ZNF804B: variants seen among roughly 807,000 people sequenced by gnomAD.
ZNF804B encodes the protein zinc finger protein 804B.
ZNF804B carries 80 observed loss-of-function variants against 101.4 expected under a neutral mutation model. The ratio of observed to expected loss-of-function variants is 0.79; its 90% CI spans 0.66 to 0.95. ZNF804B has a LOEUF of 0.95. Ranked by LOEUF, ZNF804B falls within the 40% of genes least tolerant of loss-of-function variation. The pLI, the probability that ZNF804B is intolerant of heterozygous loss-of-function variation, is 0.00. For synonymous variants in ZNF804B, 622 were observed against 558.8 expected (o/e 1.11, Z -1.59); for missense variants, 1,673 against 1,561.9 (o/e 1.07, Z -1.20).
At chr7:89,242,255 A>G (rs1386105355) in intron 2 of ZNF804B, among the ~76,000 whole-genome samples, 1 of 151,240 alleles carries the variant, frequency 6.6e-6, no homozygotes, top group African/African-American at 2.5e-5. Context: ...ACTGTTGGAA[A>G]GAAGTAAGCT....
At chr7:89,205,697 C>T (rs556304836) in intron 1 of ZNF804B, among the ~76,000 whole-genome samples, 59 of 152,264 alleles carry the variant, frequency 3.9e-4, no homozygotes, top group African/African-American at 1.3e-3. Flanking sequence ...TACATTCCCC[C>T]TCCTGGCTGT....
intron 1 of ZNF804B, among the ~76,000 whole-genome samples, chr7:88,871,296 C>T (rs1791819804): frequency 1.3e-5 from 2 of 151,944 alleles, no homozygotes; most frequent in South Asian, 2.1e-4. Context: ...GAACTGAAGA[C>T]TATGCAGGCA....
At chr7:89,323,746 T>G (rs1311005039) in intron 2 of ZNF804B, among the ~76,000 whole-genome samples, 1 of 152,136 alleles carries the variant, frequency 6.6e-6, no homozygotes, top group African/African-American at 2.4e-5. Context: ...CCTATTTGTT[T>G]TCCCATTATT....
chr7:89,138,013 G>T (rs1185986572), intron 1 of ZNF804B, among the ~76,000 whole-genome samples: 1 of 152,154 alleles, frequency 6.6e-6, no homozygotes, highest in African/African-American at 2.4e-5. Flanking sequence ...GCAAGCCCGA[G>T]CCTTGGCAGC....
At position 89,221,691 on chromosome 7, in the gene ZNF804B, T is replaced by TTTCTTTTCTA. The variant is rs1554380478; in HGVS notation, c.249+3400_249+3401insTTTCTATTCT. ...TGTTGATAAACAACCTTCCTCAATATTTCTATTCTATTCTATTCTATTCTA... is the reference window on the plus strand; with the variant it reads ...TGTTGATAAACAACCTTCCTCAATATTTCTTTTCTATTCTATTCTATTCTATTCTATTCTA... On this transcript the variant is annotated intron_variant, in intron 2 of 3. Transcript: ENST00000333190. Among the ~76,000 whole-genome samples the TTTCTTTTCTA allele has an allele frequency of 4.6e-4, 65 of 142,594 alleles. 1 individual carries two copies. The highest frequency in any genetic ancestry group is 1.5e-3 in the African/African-American group (59 of 38,360). The allele number at this position is 142,594 out of a possible 152,430, so 93.5% of individuals were successfully genotyped here.
chr7:88,949,158 C>T (rs562838166), intron 1 of ZNF804B, among the ~76,000 whole-genome samples: 11 of 151,772 alleles, frequency 7.2e-5, no homozygotes, highest in Admixed American at 3.9e-4. Context: ...ATGATCATGG[C>T]GTGTAAGTCA....
Position 89,113,973 on chromosome 7 carries a change from C to T in ZNF804B, c.109-104182C>T, listed in dbSNP as rs528872469. Among the ~76,000 whole-genome samples the T allele has an allele frequency of 8.6e-5, 13 of 151,670 alleles. No homozygotes were observed. The South Asian group carries it at 2.7e-3, about 32-fold the overall frequency. Reference sequence around the variant, plus strand: ...TTCCCAAAGTAATTAAAAGGAATTTCCTTCCAGGGATAGGTGCAAGAATTA... The same window carrying T: ...TTCCCAAAGTAATTAAAAGGAATTTTCTTCCAGGGATAGGTGCAAGAATTA... On this transcript the variant is annotated intron_variant, in intron 1 of 3. Coordinates refer to ENST00000333190, the MANE Select transcript of ZNF804B (RefSeq NM_181646.5).
chr7:89,090,297 C>T (rs1386477734), intron 1 of ZNF804B, among the ~76,000 whole-genome samples: 2 of 151,948 alleles, frequency 1.3e-5, no homozygotes, highest in African/African-American at 4.8e-5. Context: ...AGATGTTCAG[C>T]GAATTTTTGT....
intron 1 of ZNF804B, among the ~76,000 whole-genome samples, chr7:89,047,836 C>G (rs967253361): frequency 3.3e-5 from 5 of 151,712 alleles, no homozygotes; most frequent in African/African-American, 1.2e-4. Context: ...TCAGTGGTCT[C>G]TTAGGCAAAA....
intron 1 of ZNF804B, among the ~76,000 whole-genome samples, chr7:89,089,356 G>GA (rs915109397): frequency 4.0e-5 from 6 of 148,656 alleles, no homozygotes; most frequent in Non-Finnish European, 7.4e-5. Flanking sequence ...TATGTTTTCG[G>GA]AAAAATTTTT....
chr7:89,140,114 C>T (rs1790694085), intron 1 of ZNF804B, among the ~76,000 whole-genome samples: 1 of 151,906 alleles, frequency 6.6e-6, no homozygotes, highest in Admixed American at 6.6e-5. Context: ...AACAGGATGA[C>T]CAAATATGCT....
chr7:88,832,698 G>A (rs991350793), intron 1 of ZNF804B, among the ~76,000 whole-genome samples: 10 of 151,910 alleles, frequency 6.6e-5, no homozygotes, highest in Admixed American at 5.3e-4. Flanking sequence ...GGCCGAAGAT[G>A]TGTTTGGTTC....
intron 1 of ZNF804B, among the ~76,000 whole-genome samples, chr7:89,132,871 C>T (rs1459073396): frequency 1.3e-5 from 2 of 151,990 alleles, no homozygotes; most frequent in Admixed American, 6.6e-5. Flanking sequence ...AACCACAGTG[C>T]TGAGAGGGAA....
intron 2 of ZNF804B, among the ~76,000 whole-genome samples, chr7:89,316,432 T>C (rs1790726501): frequency 1.3e-5 from 2 of 152,010 alleles, no homozygotes; most frequent in Admixed American, 1.3e-4. Context: ...GATAATATCA[T>C]AATATCAAAT....
At chr7:88,829,792 A>G (rs963171205) in intron 1 of ZNF804B, among the ~76,000 whole-genome samples, 1 of 152,158 alleles carries the variant, frequency 6.6e-6, no homozygotes, top group Non-Finnish European at 1.5e-5. Context: ...TGAGATGAAA[A>G]TAAAGGAAGA....
intron 1 of ZNF804B, among the ~76,000 whole-genome samples, chr7:89,165,298 A>G (rs1791124998): frequency 6.6e-6 from 1 of 152,106 alleles, no homozygotes. Context: ...CATGAACTAT[A>G]CAGATGGTGA....
At chr7:89,094,539 C>A (rs1789941711) in intron 1 of ZNF804B, among the ~76,000 whole-genome samples, 1 of 152,062 alleles carries the variant, frequency 6.6e-6, no homozygotes, top group African/African-American at 2.4e-5. Flanking sequence ...TGGGTACACT[C>A]ACTTTTTTAA....
intron 2 of ZNF804B, among the ~76,000 whole-genome samples, chr7:89,259,129 G>A (rs561465088): frequency 3.3e-5 from 5 of 152,118 alleles, no homozygotes; most frequent in South Asian, 2.1e-4. Flanking sequence ...ATTGTCTAAC[G>A]TCAGTTTTGT....
In ZNF804B at chr7:89,333,531, C is replaced by A; in HGVS notation, c.549C>A (p.Ser183=). ...GAATCATATCCGATAAACAGCGGTC[C>A]ACCATGCCAAATCGACACCAATTAC... ...LPRIISDKQR[S]TMPNRHQLQS... Residue 183 remains serine (S), a synonymous_variant, in exon 4 of 4, where the codon TCC becomes TCA. Coordinates refer to ENST00000333190, the MANE Select transcript of ZNF804B (RefSeq NM_181646.5). The A allele has an allele frequency of 1.2e-6, 2 of 1,613,478 alleles. No homozygotes were observed. The highest frequency in any genetic ancestry group is 1.7e-6 in the Non-Finnish European group (2 of 1,179,640).
Sources: allele counts gnomAD v4.1 joint callset (sites outside exome capture counted in the v4.1 genomes callset), GRCh38; gene constraint gnomAD v4.1.1; transcripts MANE v1.5; gene names NCBI Gene and HGNC (gene_info 2026-07-23, HGNC 2026-07-21).